The following ZNF804B variants were observed in gnomAD, a reference collection of about 807,000 sequenced individuals.
ZNF804B encodes zinc finger 804B.
A neutral mutation model predicts 101.4 loss-of-function variants in ZNF804B; 80 were observed. That is an observed-to-expected ratio of 0.79 (90% CI 0.66 to 0.95). The LOEUF (loss-of-function observed/expected upper bound fraction) is 0.95. Among genes scored for constraint, ZNF804B ranks in the 40% least tolerant of loss-of-function variants. ZNF804B has a pLI of 0.00. For missense variants in ZNF804B, 1,673 were observed against 1,561.9 expected, an observed-to-expected ratio of 1.07 and a Z score of -1.20; for synonymous variants, 622 against 558.8, an observed-to-expected ratio of 1.11 and a Z score of -1.59.
chr7:89,261,231 C>T (rs542096122), intron 2 of ZNF804B, among the ~76,000 whole-genome samples: 148 of 152,084 alleles, frequency 9.7e-4, no homozygotes, highest in Middle Eastern at 6.8e-3. Context: ...ATGAATAATC[C>T]ATTTGTATGT....
chr7:89,069,239 T>C (rs1175346274), intron 1 of ZNF804B, among the ~76,000 whole-genome samples: 1 of 152,170 alleles, frequency 6.6e-6, no homozygotes, highest in African/African-American at 2.4e-5. Flanking sequence ...TATGTCTCTT[T>C]ACCTAGAGAG....
intron 2 of ZNF804B, among the ~76,000 whole-genome samples, chr7:89,233,602 G>A (rs754219097): frequency 2.0e-5 from 3 of 151,974 alleles, no homozygotes; most frequent in Non-Finnish European, 4.4e-5. Flanking sequence ...TGAGGGGTAG[G>A]CTGGAGGAAC....
intron 1 of ZNF804B, among the ~76,000 whole-genome samples, chr7:88,778,489 A>G (rs1465471403): frequency 6.6e-6 from 1 of 152,202 alleles, no homozygotes; most frequent in Non-Finnish European, 1.5e-5. Context: ...TTAGACTCCT[A>G]TACATCTGTA....
intron 1 of ZNF804B, among the ~76,000 whole-genome samples, chr7:88,862,827 A>G (rs906428351): frequency 6.6e-6 from 1 of 151,930 alleles, no homozygotes; most frequent in Admixed American, 6.6e-5. Context: ...CACTAATTAT[A>G]CTATTCACTA....
At chr7:89,031,067 G>A (rs1788825042) in intron 1 of ZNF804B, among the ~76,000 whole-genome samples, 1 of 151,914 alleles carries the variant, frequency 6.6e-6, no homozygotes, top group Non-Finnish European at 1.5e-5. Flanking sequence ...AATACCTAAT[G>A]TAAATGATGA....
chr7:88,829,101 T>G (rs1309887602), intron 1 of ZNF804B, among the ~76,000 whole-genome samples: 2 of 152,118 alleles, frequency 1.3e-5, no homozygotes, highest in Non-Finnish European at 2.9e-5. Flanking sequence ...TTTGCTATTT[T>G]TAAGACAAGA....
chr7:88,789,985 C>T (rs1790354970), intron 1 of ZNF804B, among the ~76,000 whole-genome samples: 4 of 152,022 alleles, frequency 2.6e-5, no homozygotes, highest in Admixed American at 2.6e-4. Flanking sequence ...TTAAGTTATT[C>T]TGCAAGAAAT....
At chr7:88,886,330 G>A (rs866237945) in intron 1 of ZNF804B, among the ~76,000 whole-genome samples, 11 of 152,096 alleles carry the variant, frequency 7.2e-5, no homozygotes, top group South Asian at 2.1e-4. Context: ...GAGGAGAGGA[G>A]CAGAAAAGAT....
chr7:88,763,117 C>T (rs1052298933), intron 1 of ZNF804B, among the ~76,000 whole-genome samples: 5 of 152,034 alleles, frequency 3.3e-5, no homozygotes, highest in East Asian at 3.9e-4. Context: ...TTTCACTTTC[C>T]TATAGACATA....
intron 1 of ZNF804B, among the ~76,000 whole-genome samples, chr7:89,019,629 G>A (rs944957903): frequency 1.3e-5 from 2 of 151,916 alleles, no homozygotes; most frequent in Non-Finnish European, 2.9e-5. Flanking sequence ...TTTAGATCCA[G>A]TAGTATTTAC....
intron 1 of ZNF804B, among the ~76,000 whole-genome samples, chr7:88,857,037 A>G (rs1413088813): frequency 6.6e-6 from 1 of 152,130 alleles, no homozygotes; most frequent in Non-Finnish European, 1.5e-5. Context: ...TTTTGCATCC[A>G]TGTTCATCAG....
At chr7:88,787,654 A>G (rs1179530958) in intron 1 of ZNF804B, among the ~76,000 whole-genome samples, 1 of 152,192 alleles carries the variant, frequency 6.6e-6, no homozygotes, top group Admixed American at 6.6e-5. Flanking sequence ...ACCAATAACT[A>G]ATCGTAAAAT....
Position 88,954,293 on chromosome 7 carries a change from A to G in ZNF804B, c.108+194209A>G, listed in dbSNP as rs555656538. Among the ~76,000 whole-genome samples the G allele has an allele frequency of 1.5e-4, 23 of 151,822 alleles. No individual in the cohort carries two copies. In the South Asian group the frequency reaches 4.6e-3, roughly 30 times the overall value. ...TCACTCTATAGCCATTTTAGCCAAA[A>G]TAGGAATGTGAATTGTTTCAAATTG... On this transcript the variant is annotated intron_variant, in intron 1 of 3. Transcript: ENST00000333190.
In ZNF804B at chr7:89,333,424, C is replaced by A. The variant is rs759384329; in HGVS notation, c.442C>A (p.Gln148Lys). ...PRVAIEKQLQ[Q>K]GIFPIKNGRK... The stretch of plus-strand genomic sequence containing the variant: ...GGTAGCCATAGAAAAGCAACTCCAG[C>A]AAGGAATTTTCCCCATTAAGAATGG... Residue 148 changes from glutamine to lysine, a missense_variant, in exon 4 of 4, where the codon CAA becomes AAA. Coordinates refer to ENST00000333190, the MANE Select transcript of ZNF804B (RefSeq NM_181646.5). The A allele has an allele frequency of 6.2e-7, 1 of 1,612,754 alleles. No individual in the cohort carries two copies. The highest frequency in any genetic ancestry group is 1.7e-5 in the Admixed American group (1 of 59,784).
intron 1 of ZNF804B, among the ~76,000 whole-genome samples, chr7:88,934,884 C>A (rs1353816483): frequency 6.6e-6 from 1 of 151,816 alleles, no homozygotes; most frequent in Non-Finnish European, 1.5e-5. Context: ...TGGGTATCTA[C>A]CCAGAGGAAA....
intron 1 of ZNF804B, among the ~76,000 whole-genome samples, chr7:89,181,607 T>C (rs954017030): frequency 1.3e-4 from 18 of 143,528 alleles, no homozygotes; most frequent in Non-Finnish European, 1.6e-5. Context: ...AGACTGTCTT[T>C]CTTCAGTGGC....
intron 1 of ZNF804B, among the ~76,000 whole-genome samples, chr7:89,190,650 T>C (rs564083341): frequency 3.9e-5 from 6 of 152,280 alleles, no homozygotes; most frequent in Non-Finnish European, 8.8e-5. Flanking sequence ...CAGCACTGCA[T>C]GCTCCAGAGG....
intron 1 of ZNF804B, among the ~76,000 whole-genome samples, chr7:88,784,004 A>G (rs1293517690): frequency 3.3e-5 from 5 of 152,192 alleles, no homozygotes; most frequent in Non-Finnish European, 7.4e-5. Flanking sequence ...TGGTTCATGA[A>G]TTCACCATCA....
chr7:88,987,482 T>C (rs1213457094), intron 1 of ZNF804B, among the ~76,000 whole-genome samples: 1 of 152,136 alleles, frequency 6.6e-6, no homozygotes, highest in Non-Finnish European at 1.5e-5. Flanking sequence ...CATTTTATTA[T>C]GAGAACATAT....
Sources: allele counts gnomAD v4.1 joint callset (sites outside exome capture counted in the v4.1 genomes callset), GRCh38; gene constraint gnomAD v4.1.1; transcripts MANE v1.5; gene names NCBI Gene and HGNC (gene_info 2026-07-23, HGNC 2026-07-21).